SLC12A9: variants seen among roughly 807,000 people sequenced by gnomAD.
The protein encoded by SLC12A9 is CCC-interacting protein 1.
SLC12A9 carries 55 observed loss-of-function variants against 66.0 expected under a neutral mutation model. The observed-to-expected ratio is 0.83, with a 90% CI of 0.67 to 1.04. The LOEUF is 1.04. Ranked by LOEUF, SLC12A9 falls within the 50% of genes least tolerant of loss-of-function variation. SLC12A9 has a pLI of 0.00. For missense variants in SLC12A9, 1,061 were observed against 1,241.9 expected, an observed-to-expected ratio of 0.85 and a Z score of 2.19; for synonymous variants, 577 against 569.0, an observed-to-expected ratio of 1.01 and a Z score of -0.20.
At chr7:100,858,810 C>G in intron 5 of SLC12A9, 25 bp from the exon 6 acceptor site, 1 of 1,610,444 alleles carries the variant, frequency 6.2e-7, no homozygotes. Flanking sequence ...CTGATGCACT[C>G]TCCTCCCTGG....
intron 1 of SLC12A9, among the ~76,000 whole-genome samples, chr7:100,834,753 G>A (rs1391187523): frequency 1.3e-5 from 2 of 152,020 alleles, no homozygotes; most frequent in Admixed American, 6.5e-5. Context: ...CACGCCTGTG[G>A]TCCCAGCTGT....
chr7:100,859,325 A>G (rs1814597648), intron 7 of SLC12A9, 164 bp downstream of exon 7: 1 of 652,628 alleles, frequency 1.5e-6, no homozygotes. Flanking sequence ...CCATGGACCC[A>G]GTACTGTTGC....
At chr7:100,841,090 C>T (rs1813779922) in intron 1 of SLC12A9, among the ~76,000 whole-genome samples, 1 of 151,460 alleles carries the variant, frequency 6.6e-6, no homozygotes, top group Admixed American at 6.6e-5. Flanking sequence ...ATTTTTTTTC[C>T]TTAGGGGGTG....
chr7:100,856,812 G>A (rs1011671108), intron 4 of SLC12A9, 56 bp from the exon 5 acceptor site: 12 of 1,497,262 alleles, frequency 8.0e-6, no homozygotes, highest in East Asian at 4.6e-5. Flanking sequence ...CACCATGCCC[G>A]GCTGGTGGGG....
chr7:100,848,990 G>GT (rs1270161523), upstream of SLC12A9, among the ~76,000 whole-genome samples: 894 of 142,892 alleles, frequency 6.3e-3, 4 homozygotes, highest in African/African-American at 0.011. Context: ...TTAGTTTTTT[G>GT]TTTTTTTTTT....
In SLC12A9 at chr7:100,866,653, A is replaced by C; in HGVS notation, c.*48A>C. ...TAGAGAGGGCCCAGGCAGGCGGCCT[A>C]TCCTGATCCTTGGAGGAGGAGGAAG... On this transcript the variant is annotated 3_prime_UTR_variant, in exon 14 of 14. Coordinates refer to ENST00000354161, the MANE Select transcript of SLC12A9 (RefSeq NM_020246.4). The surrounding 1 kb of genome is among the most constrained non-coding windows in gnomAD (Gnocchi z 7.3). 1 of 1,442,524 alleles carries C rather than the reference A, an allele frequency of 6.9e-7. No individual in the cohort carries two copies. The highest frequency in any genetic ancestry group is 2.6e-5 in the East Asian group (1 of 38,758). The allele number at this position is 1,442,524 out of a possible 1,614,324, so 89.4% of individuals were successfully genotyped here.
intron 1 of SLC12A9, among the ~76,000 whole-genome samples, chr7:100,838,336 G>T (rs186661216): frequency 6.6e-6 from 1 of 152,280 alleles, no homozygotes; most frequent in Admixed American, 6.5e-5. Context: ...TCACTAGGAA[G>T]ATAATATTTG....
chr7:100,866,742 G>C lies in SLC12A9; in HGVS notation c.*137G>C. The C allele has an allele frequency of 1.1e-6, 1 of 949,474 alleles. No individual in the cohort carries two copies. Among genetic ancestry groups the C allele is most frequent in the Non-Finnish European group, 1.5e-6 (1 of 675,628 alleles). 58.8% of individuals were successfully genotyped at this position (949,474 alleles called of 1,614,324 possible). A position where few individuals can be genotyped will look rare whatever the true frequency, so the allele number is the denominator to read the frequency against. On this transcript the variant is annotated 3_prime_UTR_variant, in exon 14 of 14. Coordinates refer to ENST00000354161, the MANE Select transcript of SLC12A9 (RefSeq NM_020246.4). This position sits in a 1 kb window ranked among gnomAD's most constrained non-coding sequence, Gnocchi z 7.3. ...TGGAGCCCAGGGGAGGTTTGAAGGG[G>C]ATCCTGGGCTTGGGCATCACGCCCA...
chr7:100,859,689 G>T (rs956427071), intron 7 of SLC12A9, 196 bp from the exon 8 acceptor site: 2 of 642,540 alleles, frequency 3.1e-6, no homozygotes, highest in Non-Finnish European at 2.6e-6. Context: ...TTAGCCTGGG[G>T]GTTGGAGTGA....
chr7:100,845,355 T>G (rs1373201482), intron 1 of SLC12A9, among the ~76,000 whole-genome samples: 1 of 151,402 alleles, frequency 6.6e-6, no homozygotes, highest in Non-Finnish European at 1.5e-5. Flanking sequence ...TTTATTTATT[T>G]ATTTATTTTT....
chr7:100,850,425 G>C (rs574375321), upstream of SLC12A9, among the ~76,000 whole-genome samples: 1 of 149,898 alleles, frequency 6.7e-6, no homozygotes, highest in South Asian at 2.1e-4. Flanking sequence ...AAAAAAATTA[G>C]AGACAGTGTC....
At chr7:100,830,716 A>G (rs1340626380) in intron 1 of SLC12A9, among the ~76,000 whole-genome samples, 1 of 152,058 alleles carries the variant, frequency 6.6e-6, no homozygotes, top group Non-Finnish European at 1.5e-5. Flanking sequence ...CCTGGCCTCA[A>G]AGAGAATCTG....
At chr7:100,854,529 A>C in intron 2 of SLC12A9, 91 bp from the exon 3 acceptor site, 5 of 1,599,056 alleles carry the variant, frequency 3.1e-6, no homozygotes, top group Non-Finnish European at 4.3e-6. Flanking sequence ...GTGGGCTTGC[A>C]TTTAGCTCCA....
At chr7:100,846,033 CCTTA>C (rs1813903949) in intron 1 of SLC12A9, among the ~76,000 whole-genome samples, 1 of 152,156 alleles carries the variant, frequency 6.6e-6, no homozygotes, top group African/African-American at 2.4e-5. Context: ...AGAAATTTAA[CCTTA>C]CTAATTGCTG....
At chr7:100,835,011 G>T (rs1257593910) in intron 1 of SLC12A9, among the ~76,000 whole-genome samples, 1 of 152,126 alleles carries the variant, frequency 6.6e-6, no homozygotes, top group Non-Finnish European at 1.5e-5. Context: ...TGCAGCCTGG[G>T]CAACAGAGTG....
chr7:100,827,190 G>C, intron 1 of SLC12A9: 1 of 600,022 alleles, frequency 1.7e-6, no homozygotes, highest in Non-Finnish European at 2.4e-6. Flanking sequence ...ACCGGGCGGC[G>C]GCGCCAAGTG....
At chr7:100,836,466 C>T (rs190155177) in intron 1 of SLC12A9, among the ~76,000 whole-genome samples, 137 of 152,252 alleles carry the variant, frequency 9.0e-4, no homozygotes, top group African/African-American at 3.1e-3. Context: ...TCACCTGAAC[C>T]TCAGAAAACC....
chr7:100,850,580 AC>A (rs1297623744), upstream of SLC12A9, among the ~76,000 whole-genome samples: 1 of 151,614 alleles, frequency 6.6e-6, no homozygotes, highest in African/African-American at 2.4e-5. Context: ...TCACTCTGTC[AC>A]CCAGGCTGGA....
chr7:100,839,564 C>CT (rs1235221668), intron 1 of SLC12A9, among the ~76,000 whole-genome samples: 2 of 152,218 alleles, frequency 1.3e-5, no homozygotes, highest in Non-Finnish European at 2.9e-5. Flanking sequence ...GCGGGCGACT[C>CT]TAACTAGCCC....
Sources: gnomAD v4.1 joint callset for allele counts (sites outside exome capture counted in the v4.1 genomes callset) on GRCh38, gnomAD v4.1.1 for gene constraint, Gnocchi (gnomAD v3.1) non-coding constraint, MANE v1.5 for transcripts, NCBI Gene and HGNC (gene_info 2026-07-23, HGNC 2026-07-21) for gene names.